The following PDGFC variants were observed in gnomAD, a reference collection of about 807,000 sequenced individuals.
The protein encoded by PDGFC is platelet derived growth factor C.
In PDGFC, 12 loss-of-function variants were observed where a neutral mutation model predicts 35.5. That is an observed-to-expected ratio of 0.34 (90% confidence interval 0.22 to 0.55). The LOEUF is 0.55. Among genes scored for constraint, PDGFC ranks in the 20% least tolerant of loss-of-function variants. PDGFC has a pLI of 0.91. For missense variants in PDGFC, 322 were observed against 412.4 expected, an observed-to-expected ratio of 0.78 and a Z score of 1.90; for synonymous variants, 159 against 148.8, an observed-to-expected ratio of 1.07 and a Z score of -0.50.
chr4:156,868,589 C>A (rs1249941240), intron 1 of PDGFC, among the ~76,000 whole-genome samples: 1 of 152,182 alleles, frequency 6.6e-6, no homozygotes, highest in African/African-American at 2.4e-5. Flanking sequence ...TTTAGTATCA[C>A]TTAAAACAGC....
chr4:156,783,868 C>T (rs1731045917), intron 3 of PDGFC, among the ~76,000 whole-genome samples: 2 of 152,262 alleles, frequency 1.3e-5, no homozygotes, highest in Middle Eastern at 3.4e-3. Flanking sequence ...TGGCAAAGTA[C>T]ATGACCATGG....
Position 156,828,702 on chromosome 4 carries a change from T to C in PDGFC, c.315-17685A>G, listed in dbSNP as rs1423440717. Among the ~76,000 whole-genome samples the C allele has an allele frequency of 2.0e-5, 3 of 152,210 alleles. No homozygotes were observed. The East Asian group carries it at 5.8e-4, about 29-fold the overall frequency. ...AGCATGTGTGTGCTCTTATGGTATATTTAACGTACAGATAGAACAGGTAAA... is the reference window on the plus strand; with the variant it reads ...AGCATGTGTGTGCTCTTATGGTATACTTAACGTACAGATAGAACAGGTAAA... On this transcript the variant is annotated intron_variant, in intron 2 of 5. Transcript: ENST00000502773.
chr4:156,909,640 C>T (rs1353694006), intron 1 of PDGFC, among the ~76,000 whole-genome samples: 1 of 152,138 alleles, frequency 6.6e-6, no homozygotes, highest in Non-Finnish European at 1.5e-5. Context: ...CAAATATCCA[C>T]ATACAAATAC....
intron 1 of PDGFC, among the ~76,000 whole-genome samples, chr4:156,945,937 G>A (rs1036460189): frequency 6.6e-6 from 1 of 151,946 alleles, no homozygotes; most frequent in African/African-American, 2.4e-5. Flanking sequence ...ATCAACTACT[G>A]GAACTAAGAA....
chr4:156,867,711 G>A (rs567150882), intron 1 of PDGFC, among the ~76,000 whole-genome samples: 3 of 152,162 alleles, frequency 2.0e-5, no homozygotes, highest in East Asian at 1.9e-4. Context: ...TGCTGTTCAC[G>A]AACTTGTGAT....
At chr4:156,787,817 G>C (rs1373677511) in intron 3 of PDGFC, among the ~76,000 whole-genome samples, 1 of 152,104 alleles carries the variant, frequency 6.6e-6, no homozygotes, top group Admixed American at 6.6e-5. Flanking sequence ...AGTAGCGTGA[G>C]GAAAGTGTTC....
Position 156,960,678 on chromosome 4 carries a change from T to C in PDGFC, c.118+10108A>G, listed in dbSNP as rs1732322857. Among the ~76,000 whole-genome samples the C allele has an allele frequency of 2.6e-5, 4 of 152,100 alleles. No individual in the cohort carries two copies. The South Asian group carries it at 8.3e-4, about 32-fold the overall frequency. On this transcript the variant is annotated intron_variant, in intron 1 of 5. Transcript: ENST00000502773. ...AGATCTGTCTCTAGGACACCCCATC[T>C]CAGGCTATGGATGTACAGATCTATA... is the stretch of plus-strand genomic sequence containing the variant.
At chr4:156,929,770 T>A (rs556858207) in intron 1 of PDGFC, among the ~76,000 whole-genome samples, 2 of 152,222 alleles carry the variant, frequency 1.3e-5, no homozygotes, top group East Asian at 3.9e-4. Context: ...TAGTGACTTA[T>A]GGATATTAGA....
At position 156,760,636 on chromosome 4, in the gene PDGFC, G is replaced by T. The variant is rs1294100082; in HGVS notation, c.*2454C>A. On this transcript the variant is annotated 3_prime_UTR_variant, in exon 6 of 6. Coordinates refer to ENST00000502773, the MANE Select transcript of PDGFC (RefSeq NM_016205.3). ...TTTATGTGTGTGTGTGTGTGTGTGT[G>T]TGTTTAGTAAAATACACAGGACGAT... 1 of 152,232 alleles carries T rather than the reference G, an allele frequency of 6.6e-6. No homozygotes were observed. 9.4% of individuals were successfully genotyped at this position (152,232 alleles called of 1,614,324 possible).
intron 1 of PDGFC, among the ~76,000 whole-genome samples, chr4:156,932,454 T>C (rs553255271): frequency 8.5e-5 from 13 of 152,174 alleles, no homozygotes; most frequent in African/African-American, 1.2e-4. Context: ...CACATGTGTT[T>C]ATTGTGGCAC....
At chr4:156,910,406 CA>C (rs1731011723) in intron 1 of PDGFC, among the ~76,000 whole-genome samples, 2 of 152,190 alleles carry the variant, frequency 1.3e-5, no homozygotes, top group Middle Eastern at 3.4e-3. Context: ...TATTCCACTG[CA>C]CAAAGGTACC....
chr4:156,770,513 GAAGA>G (rs1730666061), intron 4 of PDGFC: 1 of 151,926 alleles, frequency 6.6e-6, no homozygotes. Context: ...AAAAGGAAAA[GAAGA>G]AAGAAAGATA....
At chr4:156,802,561 C>T (rs1250525750) in intron 3 of PDGFC, among the ~76,000 whole-genome samples, 1 of 128,126 alleles carries the variant, frequency 7.8e-6, no homozygotes, top group Non-Finnish European at 1.8e-5. Context: ...CACATACACA[C>T]ACACACACAC....
At chr4:156,799,851 C>A (rs1170007334) in intron 3 of PDGFC, among the ~76,000 whole-genome samples, 1 of 152,074 alleles carries the variant, frequency 6.6e-6, no homozygotes, top group African/African-American at 2.4e-5. Flanking sequence ...TGTGGAGACA[C>A]TACAGTTTAA....
chr4:156,767,129 T>C (rs1170623530), intron 5 of PDGFC, among the ~76,000 whole-genome samples: 4 of 152,002 alleles, frequency 2.6e-5, no homozygotes, highest in Admixed American at 1.3e-4. Context: ...TGGGATTTAA[T>C]TGGGAGACTC....
At chr4:156,775,204 T>G (rs1369041091) in intron 3 of PDGFC, among the ~76,000 whole-genome samples, 3 of 152,160 alleles carry the variant, frequency 2.0e-5, no homozygotes, top group Non-Finnish European at 4.4e-5. Context: ...TTAATTTTAA[T>G]TTAGCTAATT....
chr4:156,934,888 G>A (rs1290413844), intron 1 of PDGFC, among the ~76,000 whole-genome samples: 1 of 152,124 alleles, frequency 6.6e-6, no homozygotes, highest in Admixed American at 6.5e-5. Flanking sequence ...GTTTTCAGGG[G>A]CAATAATAGG....
intron 2 of PDGFC, among the ~76,000 whole-genome samples, chr4:156,820,900 C>T (rs927731809): frequency 3.9e-5 from 6 of 152,122 alleles, no homozygotes; most frequent in African/African-American, 1.4e-4. Flanking sequence ...AAAGTTAGAA[C>T]AAGGATAGGG....
At chr4:156,778,390 T>G (rs191796281) in intron 3 of PDGFC, 1 of 168,032 alleles carries the variant, frequency 6.0e-6, no homozygotes, top group African/African-American at 2.4e-5. Flanking sequence ...TTTTTATTAA[T>G]GAAAAATAAC....
Sources: allele counts gnomAD v4.1 joint callset (sites outside exome capture counted in the v4.1 genomes callset), GRCh38; gene constraint gnomAD v4.1.1; transcripts MANE v1.5; gene names NCBI Gene and HGNC (gene_info 2026-07-23, HGNC 2026-07-21).